PPM1E: variants seen among roughly 807,000 people sequenced by gnomAD.
PPM1E encodes the protein protein phosphatase 1E.
A neutral mutation model predicts 65.9 loss-of-function variants in PPM1E; 20 were observed. The ratio of observed to expected loss-of-function variants is 0.30; its 90% CI spans 0.21 to 0.44. The LOEUF is 0.44. Ranked by LOEUF, PPM1E falls within the 20% of genes least tolerant of loss-of-function variation. The pLI is 1.00. For synonymous variants in PPM1E, 352 were observed against 374.9 expected, an observed-to-expected ratio of 0.94 and a Z score of 0.70; for missense variants, 713 against 953.1, an observed-to-expected ratio of 0.75 and a Z score of 3.32.
intron 1 of PPM1E, among the ~76,000 whole-genome samples, chr17:58,885,213 C>T (rs1208548340): frequency 1.3e-5 from 2 of 152,098 alleles, no homozygotes; most frequent in Admixed American, 6.6e-5. Context: ...CTTGCCACCA[C>T]GCCTGGCTAA....
At chr17:58,756,604 G>C in intron 1 of PPM1E, 143 bp downstream of exon 1, 1 of 1,054,306 alleles carries the variant, frequency 9.5e-7, no homozygotes, top group East Asian at 3.4e-5. Flanking sequence ...AAGCGCCCCC[G>C]CTGCTCGGAC....
At chr17:58,780,805 A>G (rs1203776911) in intron 1 of PPM1E, among the ~76,000 whole-genome samples, 5 of 152,176 alleles carry the variant, frequency 3.3e-5, no homozygotes, top group Non-Finnish European at 7.3e-5. Flanking sequence ...TAAAGGGTCT[A>G]ACTGACCTTG....
intron 1 of PPM1E, among the ~76,000 whole-genome samples, chr17:58,914,852 T>C (rs2051666418): frequency 6.6e-6 from 1 of 152,174 alleles, no homozygotes; most frequent in African/African-American, 2.4e-5. Context: ...TTATTTTAAG[T>C]CGAGATTTTT....
chr17:58,919,675 T>C (rs1257623334), intron 1 of PPM1E, among the ~76,000 whole-genome samples: 1 of 151,768 alleles, frequency 6.6e-6, no homozygotes, highest in Non-Finnish European at 1.5e-5. Flanking sequence ...TAATTCCAGC[T>C]ACCCAGGAGG....
At chr17:58,976,967 C>A (rs2031038170) in intron 6 of PPM1E, among the ~76,000 whole-genome samples, 1 of 152,112 alleles carries the variant, frequency 6.6e-6, no homozygotes, top group Non-Finnish European at 1.5e-5. Context: ...GTGAAGGACA[C>A]TGAATCCCAT....
At chr17:58,791,241 CA>C (rs2050155134) in intron 1 of PPM1E, among the ~76,000 whole-genome samples, 1 of 152,002 alleles carries the variant, frequency 6.6e-6, no homozygotes, top group South Asian at 2.1e-4. Flanking sequence ...TATTATGCAG[CA>C]GTATAATACA....
chr17:58,810,891 T>C (rs950630606), intron 1 of PPM1E, among the ~76,000 whole-genome samples: 3 of 152,088 alleles, frequency 2.0e-5, no homozygotes, highest in African/African-American at 7.2e-5. Flanking sequence ...AGAGCCTTAC[T>C]CTCTCACCCA....
intron 1 of PPM1E, among the ~76,000 whole-genome samples, chr17:58,876,807 G>C (rs1010633716): frequency 5.9e-5 from 9 of 151,384 alleles, no homozygotes; most frequent in Non-Finnish European, 1.2e-4. Flanking sequence ...TTTTTGAGAC[G>C]GAGTCTGGCC....
At chr17:58,890,606 G>A (rs2051332867) in intron 1 of PPM1E, among the ~76,000 whole-genome samples, 1 of 152,130 alleles carries the variant, frequency 6.6e-6, no homozygotes, top group African/African-American at 2.4e-5. Flanking sequence ...TGCATATAAT[G>A]AGGATCAACT....
chr17:58,791,780 T>A (rs1490087115), intron 1 of PPM1E, among the ~76,000 whole-genome samples: 1 of 152,192 alleles, frequency 6.6e-6, no homozygotes, highest in Admixed American at 6.6e-5. Context: ...TGAGAGGGAC[T>A]GGGGCCAAGG....
chr17:58,911,651 TC>T (rs2051628442), intron 1 of PPM1E, among the ~76,000 whole-genome samples: 1 of 152,196 alleles, frequency 6.6e-6, no homozygotes, highest in South Asian at 2.1e-4. Flanking sequence ...GAAGCGTTTT[TC>T]TTTTGTACGT....
chr17:58,770,525 A>G (rs1326713765), intron 1 of PPM1E, among the ~76,000 whole-genome samples: 2 of 152,150 alleles, frequency 1.3e-5, no homozygotes, highest in Non-Finnish European at 2.9e-5. Flanking sequence ...CAACATAGTG[A>G]GACCCCATTT....
rs1425398585 is a variant in PPM1E at position 58,931,082 on chromosome 17, AAAAAGAAAG to A, written c.465-24563_465-24555del. Among the ~76,000 whole-genome samples, 100 of 142,402 alleles carry A rather than the reference AAAAAGAAAG, an allele frequency of 7.0e-4. No individual in the cohort carries two copies. The East Asian group carries it at 7.5e-3, about 11-fold the overall frequency. The allele number at this position is 142,402 out of a possible 152,430, so 93.4% of individuals were successfully genotyped here. ...TACAAAAATTAAAAAAAAAAAAAAA[AAAAAGAAAG>A]AAAGAAAGAAAAAAGCCGGGCGCGG... On this transcript the variant is annotated intron_variant, in intron 1 of 6. Coordinates refer to ENST00000308249, the MANE Select transcript of PPM1E (RefSeq NM_014906.5).
chr17:58,877,306 A>C (rs1235854592), intron 1 of PPM1E, among the ~76,000 whole-genome samples: 2 of 152,196 alleles, frequency 1.3e-5, no homozygotes, highest in Admixed American at 6.5e-5. Context: ...AAAAGAGAGC[A>C]AAAAGGAAAA....
At chr17:58,963,507 T>C (rs1188907765) in intron 2 of PPM1E, among the ~76,000 whole-genome samples, 1 of 150,328 alleles carries the variant, frequency 6.7e-6, no homozygotes, top group African/African-American at 2.5e-5. Flanking sequence ...TTGGAGACCA[T>C]CCTGGCCAAC....
chr17:58,826,406 A>G (rs1258538193), intron 1 of PPM1E, among the ~76,000 whole-genome samples: 1 of 152,148 alleles, frequency 6.6e-6, no homozygotes, highest in Non-Finnish European at 1.5e-5. Context: ...ATAAATAGCT[A>G]CAGATATCTA....
chr17:58,980,089 C>A lies in PPM1E; in HGVS notation c.1326C>A (p.Asn442Lys). 1.2e-6 allele frequency: 2 copies of A among 1,614,124 alleles called. No individual in the cohort carries two copies. The highest frequency in any genetic ancestry group is 1.7e-6 in the Non-Finnish European group (2 of 1,180,010). ...LACDGFYDTV[N>K]PDEAVKVVSD... is the part of the protein sequence containing the mutation. ...GTGATGGCTTCTATGACACCGTGAA[C>A]CCTGATGAGGCAGTGAAAGTTGTGT... The change falls in exon 7 of 7, where the codon AAC (asparagine) becomes AAA (lysine). Residue 442 changes from asparagine to lysine, a missense_variant. Asn to Lys is a moderately conservative substitution (Grantham distance 94). Transcript: ENST00000308249. The surrounding 1 kb of genome is among the most constrained non-coding windows in gnomAD (Gnocchi z 4.7).
intron 1 of PPM1E, among the ~76,000 whole-genome samples, chr17:58,818,028 C>T (rs1286222335): frequency 1.3e-5 from 2 of 152,106 alleles, no homozygotes; most frequent in East Asian, 1.9e-4. Flanking sequence ...CGTGAGCCAC[C>T]GCGCCCGGCC....
rs142543337 is a variant in PPM1E at position 58,919,678 on chromosome 17, C to T, written c.465-35971C>T. 4.9e-3 allele frequency among the ~76,000 whole-genome samples: 743 copies of T among 151,774 alleles called. 2 individuals carry two copies. Among genetic ancestry groups the T allele is most frequent in the Non-Finnish European group, 6.6e-3 (450 of 67,904 alleles). ...GGTGCATGCCTGTAATTCCAGCTAC[C>T]CAGGAGGCTGAGGCAGGAGAATCAC... On this transcript the variant is annotated intron_variant, in intron 1 of 6. Coordinates refer to ENST00000308249, the MANE Select transcript of PPM1E (RefSeq NM_014906.5).
Sources: allele counts gnomAD v4.1 joint callset (sites outside exome capture counted in the v4.1 genomes callset), GRCh38; gene constraint gnomAD v4.1.1; non-coding constraint Gnocchi (gnomAD v3.1); transcripts MANE v1.5; gene names NCBI Gene and HGNC (gene_info 2026-07-23, HGNC 2026-07-21).